Variants in TSEN2 observed in about 807,000 individuals in gnomAD.
TSEN2 encodes tRNA-splicing endonuclease subunit Sen2.
In TSEN2, 54 loss-of-function variants were observed where a neutral mutation model predicts 59.2. The observed-to-expected ratio is 0.91, with a 90% CI of 0.73 to 1.14. The LOEUF (loss-of-function observed/expected upper bound fraction) is 1.14, where lower values mean the gene tolerates loss of function less well. Ranked by LOEUF, TSEN2 falls within the 50% of genes most tolerant of loss-of-function variation. The probability of loss-of-function intolerance (pLI) is 0.00; values close to 1 mark genes in which losing one functional copy is unlikely to be tolerated. For synonymous variants in TSEN2, 195 were observed against 198.2 expected, an observed-to-expected ratio of 0.98 and a Z score of 0.14; for missense variants, 636 against 576.2, an observed-to-expected ratio of 1.10 and a Z score of -1.06.
chr3:12,487,374 C>G (rs887898184), intron 1 of TSEN2, among the ~76,000 whole-genome samples: 1 of 152,182 alleles, frequency 6.6e-6, no homozygotes, highest in Non-Finnish European at 1.5e-5. Flanking sequence ...CTAAATCTTG[C>G]CTTTTTTAGA....
intron 8 of TSEN2, among the ~76,000 whole-genome samples, chr3:12,527,998 G>A (rs904887101): frequency 9.9e-5 from 15 of 152,146 alleles, no homozygotes; most frequent in African/African-American, 2.9e-4. Flanking sequence ...AGTAGCTCTC[G>A]ACCTCCACAG....
chr3:12,534,707 C>T (rs910174370), downstream of TSEN2, among the ~76,000 whole-genome samples: 13 of 151,040 alleles, frequency 8.6e-5, no homozygotes, highest in African/African-American at 2.2e-4. Context: ...AGGAGGCTGA[C>T]GCAGGAGAAT....
rs1559362403 is a variant in TSEN2, at chr3:12,528,874, T to C, written c.1100-14T>C. ...TGAGTGGTTATACTTCTTTTTTTTC[T>C]TTCTTCTTTGCAGTGCTATATCGGA... On this transcript the variant is annotated splice_polypyrimidine_tract_variant and intron_variant, in intron 8 of 11. Coordinates refer to ENST00000284995, the MANE Select transcript of TSEN2 (RefSeq NM_025265.4). 4.3e-6 allele frequency: 7 copies of C among 1,613,872 alleles called. No homozygotes were observed. The South Asian group carries it at 6.6e-5, about 15-fold the overall frequency.
intron 8 of TSEN2, among the ~76,000 whole-genome samples, chr3:12,520,165 A>G (rs1287820336): frequency 6.6e-6 from 1 of 152,026 alleles, no homozygotes. Flanking sequence ...CACCCGGCTA[A>G]TTTTTTGTAT....
intron 8 of TSEN2, 116 bp downstream of exon 8, chr3:12,519,313 G>T: frequency 7.0e-7 from 1 of 1,433,172 alleles, no homozygotes; most frequent in South Asian, 1.2e-5. Flanking sequence ...TATCCTTTGG[G>T]TTTAGATAAG....
Position 12,532,534 on chromosome 3 carries a change from A to G in TSEN2, c.1339-128A>G, listed in dbSNP as rs917564923. On this transcript the variant is annotated intron_variant, in intron 11 of 11. Transcript: ENST00000284995. Reference sequence around the variant, plus strand: ...CATTTTCTCCAGATGTTTCTGTTCTAAAGGTGGGAACAGTATCATCATTAT... The same window carrying G: ...CATTTTCTCCAGATGTTTCTGTTCTGAAGGTGGGAACAGTATCATCATTAT... 5 of 821,390 alleles carry G rather than the reference A, an allele frequency of 6.1e-6. No homozygotes were observed. In the African/African-American group the frequency reaches 8.6e-5, roughly 14 times the overall value. 50.9% of individuals were successfully genotyped at this position (821,390 alleles called of 1,614,324 possible). A position where few individuals can be genotyped will look rare whatever the true frequency, so the allele number is the denominator to read the frequency against.
intron 6 of TSEN2, among the ~76,000 whole-genome samples, chr3:12,509,307 C>A (rs1389149340): frequency 6.6e-6 from 1 of 151,218 alleles, no homozygotes; most frequent in Admixed American, 6.6e-5. Context: ...TTCAAGTGAT[C>A]CTCCCACCTC....
downstream of TSEN2, among the ~76,000 whole-genome samples, chr3:12,534,115 T>TTGG (rs1245243821): frequency 2.6e-5 from 4 of 152,216 alleles, no homozygotes; most frequent in East Asian, 1.9e-4. Flanking sequence ...AGAGCCCTGT[T>TTGG]TGGTGGTGGT....
intron 4 of TSEN2, among the ~76,000 whole-genome samples, chr3:12,502,330 G>A (rs986301543): frequency 2.0e-5 from 3 of 152,114 alleles, no homozygotes; most frequent in African/African-American, 7.2e-5. Flanking sequence ...CGGATCTCTT[G>A]AGGTCAGGAG....
chr3:12,536,253 G>GGTTTT (rs1003014005), downstream of TSEN2, among the ~76,000 whole-genome samples: 6 of 152,132 alleles, frequency 3.9e-5, no homozygotes, highest in Admixed American at 6.5e-5. Flanking sequence ...GCCATTGTGG[G>GGTTTT]GTTTTGTTTT....
intron 2 of TSEN2, among the ~76,000 whole-genome samples, chr3:12,491,564 A>G (rs1352492523): frequency 6.6e-6 from 1 of 152,192 alleles, no homozygotes; most frequent in Non-Finnish European, 1.5e-5. Flanking sequence ...CCCTCGGCTT[A>G]TCAGACCTAG....
intron 4 of TSEN2, among the ~76,000 whole-genome samples, chr3:12,500,692 A>G (rs547059750): frequency 6.6e-6 from 1 of 152,350 alleles, no homozygotes; most frequent in Admixed American, 6.5e-5. Context: ...CTTATGGGCT[A>G]TGCACTTTAC....
chr3:12,522,396 G>A (rs530255953), intron 8 of TSEN2, among the ~76,000 whole-genome samples: 1 of 151,718 alleles, frequency 6.6e-6, no homozygotes, highest in Non-Finnish European at 1.5e-5. Context: ...TACAATTAAT[G>A]TGGGACCAGG....
At chr3:12,523,614 A>G (rs1196583948) in intron 8 of TSEN2, among the ~76,000 whole-genome samples, 1 of 138,604 alleles carries the variant, frequency 7.2e-6, no homozygotes, top group East Asian at 2.1e-4. Context: ...ATCTCGGCTC[A>G]CTACAACCTC....
At chr3:12,495,587 C>T (rs2053667059) in intron 3 of TSEN2, among the ~76,000 whole-genome samples, 3 of 152,166 alleles carry the variant, frequency 2.0e-5, no homozygotes, top group African/African-American at 7.2e-5. Context: ...GACTTTGCAT[C>T]AGTTACTTCT....
At position 12,514,508 on chromosome 3, in the gene TSEN2, G is replaced by A. The variant is rs1575382601; in HGVS notation, c.910-2103G>A. Among the ~76,000 whole-genome samples the A allele has an allele frequency of 2.0e-5, 3 of 152,258 alleles. No individual in the cohort carries two copies. In the East Asian group the frequency reaches 5.8e-4, roughly 29 times the overall value. On this transcript the variant is annotated intron_variant, in intron 6 of 11. Transcript: ENST00000284995. ...AGGGTGTCACAGAAGGCAGGAAGGA[G>A]CCACCCACAGACTTGGGACCAAGAA... is the stretch of plus-strand genomic sequence containing the variant.
At chr3:12,492,053 C>T in intron 2 of TSEN2, 83 bp from the exon 3 acceptor site, 1 of 1,216,144 alleles carries the variant, frequency 8.2e-7, no homozygotes, top group Non-Finnish European at 1.2e-6. Flanking sequence ...CCTGTGGATA[C>T]TGAGGGATTA....
intron 2 of TSEN2, among the ~76,000 whole-genome samples, chr3:12,491,839 C>T (rs2053243049): frequency 1.3e-5 from 2 of 152,234 alleles, no homozygotes; most frequent in South Asian, 2.1e-4. Flanking sequence ...GTGTACCAAA[C>T]GGGGACTTTA....
chr3:12,510,448 T>C (rs1016552568), intron 6 of TSEN2, among the ~76,000 whole-genome samples: 1 of 152,218 alleles, frequency 6.6e-6, no homozygotes, highest in Non-Finnish European at 1.5e-5. Flanking sequence ...TTAAAGTGCG[T>C]GAGAAAATTT....
Sources: gnomAD v4.1 joint callset for allele counts (sites outside exome capture counted in the v4.1 genomes callset) on GRCh38, gnomAD v4.1.1 for gene constraint, MANE v1.5 for transcripts, NCBI Gene and HGNC (gene_info 2026-07-23, HGNC 2026-07-21) for gene names.